Variants in EMCN observed in about 807,000 individuals in gnomAD.
The protein encoded by EMCN is endomucin, also known as MUC-14.
A neutral mutation model predicts 38.4 loss-of-function variants in EMCN; 37 were observed. The observed-to-expected ratio is 0.96, with a 90% CI of 0.74 to 1.27. The LOEUF is 1.27. Ranked by LOEUF, EMCN falls within the 50% of genes most tolerant of loss-of-function variation. The pLI, the probability that EMCN is intolerant of heterozygous loss-of-function variation, is 0.00. For missense variants in EMCN, 318 were observed against 302.8 expected (o/e 1.05, Z -0.37); for synonymous variants, 95 against 100.8 (o/e 0.94, Z 0.35).
At chr4:100,489,648 T>C (rs1343562028) in intron 1 of EMCN, among the ~76,000 whole-genome samples, 2 of 152,202 alleles carry the variant, frequency 1.3e-5, no homozygotes, top group Non-Finnish European at 2.9e-5. Flanking sequence ...TTATGTACAG[T>C]ATATAATATC....
chr4:100,454,623 C>CA (rs1223790968), intron 4 of EMCN, among the ~76,000 whole-genome samples: 1 of 152,148 alleles, frequency 6.6e-6, no homozygotes, highest in African/African-American at 2.4e-5. Context: ...AATCTAAACA[C>CA]AAAAGTCACT....
chr4:100,400,336 C>T (rs926882368), intron 11 of EMCN, among the ~76,000 whole-genome samples: 1 of 149,268 alleles, frequency 6.7e-6, no homozygotes, highest in African/African-American at 2.5e-5. Flanking sequence ...AATCTTTCCT[C>T]TCTTCACCTA....
rs1417599244 is a variant in EMCN, at chr4:100,447,514, C to G, written c.415+19G>C. 5.1e-6 allele frequency: 8 copies of G among 1,578,078 alleles called. No homozygotes were observed. The South Asian group carries it at 7.8e-5, about 15-fold the overall frequency. The stretch of plus-strand genomic sequence containing the variant: ...ACCCATGAAAATACTAAGAGAGAGA[C>G]AGAGAAAAAAGAGCTTACCTGGTAT... On this transcript the variant is annotated intron_variant, in intron 5 of 11. Coordinates refer to ENST00000296420, the MANE Select transcript of EMCN (RefSeq NM_016242.4).
At chr4:100,516,075 T>C (rs1300585290) in intron 1 of EMCN, among the ~76,000 whole-genome samples, 1 of 152,126 alleles carries the variant, frequency 6.6e-6, no homozygotes. Context: ...GAGATAGTTA[T>C]TATGTAACTA....
At chr4:100,491,398 G>A (rs1251689754) in intron 1 of EMCN, among the ~76,000 whole-genome samples, 2 of 152,098 alleles carry the variant, frequency 1.3e-5, no homozygotes, top group African/African-American at 2.4e-5. Context: ...GCCAAGGGAG[G>A]GAGATGACCA....
chr4:100,405,315 T>A (rs1031071149), intron 11 of EMCN, among the ~76,000 whole-genome samples: 4 of 152,160 alleles, frequency 2.6e-5, no homozygotes, highest in South Asian at 2.1e-4. Flanking sequence ...CAATTCCAGA[T>A]GCTTTTTCCC....
chr4:100,453,744 T>C (rs1350221026), intron 4 of EMCN, among the ~76,000 whole-genome samples: 3 of 152,072 alleles, frequency 2.0e-5, no homozygotes, highest in Non-Finnish European at 4.4e-5. Flanking sequence ...GTGGCACTAT[T>C]CACAATAGCA....
chr4:100,443,569 G>A (rs1727583265), intron 5 of EMCN, among the ~76,000 whole-genome samples: 1 of 152,190 alleles, frequency 6.6e-6, no homozygotes, highest in Non-Finnish European at 1.5e-5. Flanking sequence ...TTTTGTGTTT[G>A]GTCTGATATG....
At chr4:100,446,563 C>A (rs1048674974) in intron 5 of EMCN, among the ~76,000 whole-genome samples, 1 of 151,816 alleles carries the variant, frequency 6.6e-6, no homozygotes, top group Non-Finnish European at 1.5e-5. Context: ...AGGTTTATTT[C>A]ATATTTTTAG....
At chr4:100,495,115 G>A (rs1199272901) in intron 1 of EMCN, among the ~76,000 whole-genome samples, 3 of 152,046 alleles carry the variant, frequency 2.0e-5, no homozygotes, top group African/African-American at 4.8e-5. Context: ...CATGGGATTT[G>A]CAGAAATTGG....
At chr4:100,480,108 A>T in intron 1 of EMCN, 69 bp from the exon 2 acceptor site, 1 of 1,376,066 alleles carries the variant, frequency 7.3e-7, no homozygotes, top group Non-Finnish European at 1.0e-6. Context: ...AGTATATTTA[A>T]ACAAGTGTAC....
At chr4:100,440,037 C>T (rs944833838) in intron 5 of EMCN, among the ~76,000 whole-genome samples, 2 of 149,366 alleles carry the variant, frequency 1.3e-5, no homozygotes, top group African/African-American at 4.8e-5. Context: ...TGTTTTGTGG[C>T]TTATCATATG....
intron 4 of EMCN, among the ~76,000 whole-genome samples, chr4:100,455,476 T>C (rs72617734): frequency 0.2 from 30,229 of 150,926 alleles, 4,673 homozygotes; most frequent in East Asian, 0.77. Flanking sequence ...TTTATATGTC[T>C]GAAAAAATAT....
At chr4:100,398,632 T>C (rs528176827) in intron 11 of EMCN, among the ~76,000 whole-genome samples, 1 of 152,256 alleles carries the variant, frequency 6.6e-6, no homozygotes, top group Admixed American at 6.5e-5. Flanking sequence ...TCCTCCATGA[T>C]GCATTCAGGC....
intron 1 of EMCN, among the ~76,000 whole-genome samples, chr4:100,480,821 A>G (rs1728787175): frequency 6.6e-6 from 1 of 151,994 alleles, no homozygotes; most frequent in East Asian, 1.9e-4. Flanking sequence ...CTATTGAAAC[A>G]AATGATGAAA....
chr4:100,468,648 A>T (rs987969215), intron 3 of EMCN, among the ~76,000 whole-genome samples: 5 of 152,150 alleles, frequency 3.3e-5, no homozygotes, highest in African/African-American at 1.2e-4. Flanking sequence ...TTACATGAAT[A>T]AAAGATGCTC....
intron 5 of EMCN, among the ~76,000 whole-genome samples, chr4:100,423,965 G>A (rs545743122): frequency 2.5e-4 from 38 of 151,998 alleles, no homozygotes; most frequent in Non-Finnish European, 4.7e-4. Context: ...CTTTTCTAGA[G>A]TAATGCTACT....
chr4:100,508,687 G>A (rs1231768139), intron 1 of EMCN, among the ~76,000 whole-genome samples: 4 of 152,084 alleles, frequency 2.6e-5, no homozygotes, highest in South Asian at 2.1e-4. Context: ...TAGTGGGGGT[G>A]GGGACTAATC....
chr4:100,510,211 A>G (rs1422805522), intron 1 of EMCN, among the ~76,000 whole-genome samples: 1 of 152,224 alleles, frequency 6.6e-6, no homozygotes, highest in African/African-American at 2.4e-5. Flanking sequence ...CAGACTAAAA[A>G]GAGTTTTAAT....
Sources: allele counts gnomAD v4.1 joint callset (sites outside exome capture counted in the v4.1 genomes callset), GRCh38; gene constraint gnomAD v4.1.1; transcripts MANE v1.5; gene names NCBI Gene and HGNC (gene_info 2026-07-23, HGNC 2026-07-21).